Variants in KCNC2 observed in about 807,000 individuals in gnomAD.
The protein encoded by KCNC2 is voltage-gated potassium channel KCNC2.
In KCNC2, 21 loss-of-function variants were observed where a neutral mutation model predicts 44.5. The observed-to-expected ratio is 0.47, with a 90% confidence interval of 0.33 to 0.68. The LOEUF (loss-of-function observed/expected upper bound fraction) is 0.68. Among genes scored for constraint, KCNC2 ranks in the 30% least tolerant of loss-of-function variants. KCNC2 has a pLI of 0.01. For missense variants in KCNC2, 589 were observed against 826.2 expected (o/e 0.71, Z 3.52); for synonymous variants, 391 against 339.1 (o/e 1.15, Z -1.68).
At chr12:75,093,681 T>C (rs1176678585) in intron 2 of KCNC2, among the ~76,000 whole-genome samples, 1 of 151,692 alleles carries the variant, frequency 6.6e-6, no homozygotes, top group Admixed American at 6.6e-5. Context: ...TAACATAATG[T>C]GACATTGTGC....
At chr12:75,061,069 T>G (rs1882270555) in intron 2 of KCNC2, among the ~76,000 whole-genome samples, 1 of 152,128 alleles carries the variant, frequency 6.6e-6, no homozygotes, top group African/African-American at 2.4e-5. Context: ...TAATATTTGA[T>G]TTTCTTCTCC....
chr12:75,134,208 G>C (rs1298364585), intron 2 of KCNC2, among the ~76,000 whole-genome samples: 1 of 151,782 alleles, frequency 6.6e-6, no homozygotes, highest in Admixed American at 6.6e-5. Context: ...TTAGAGCATA[G>C]TACTTAAAAT....
chr12:75,197,081 G>C (rs2030834394), intron 2 of KCNC2, among the ~76,000 whole-genome samples: 1 of 152,046 alleles, frequency 6.6e-6, no homozygotes. Flanking sequence ...GATCTCTGGG[G>C]TGAGACCTGA....
chr12:75,196,974 A>G (rs1324197300), intron 2 of KCNC2, among the ~76,000 whole-genome samples: 6 of 151,982 alleles, frequency 3.9e-5, no homozygotes, highest in Non-Finnish European at 5.9e-5. Context: ...TTTTTTCTGC[A>G]GTTGTAGCAC....
At chr12:75,093,921 T>G (rs1377153214) in intron 2 of KCNC2, among the ~76,000 whole-genome samples, 3 of 151,638 alleles carry the variant, frequency 2.0e-5, no homozygotes, top group Non-Finnish European at 4.4e-5. Context: ...ATATTTAGGT[T>G]GGTGAAAAAG....
chr12:75,172,354 G>A (rs1891886100), intron 2 of KCNC2, among the ~76,000 whole-genome samples: 1 of 151,764 alleles, frequency 6.6e-6, no homozygotes, highest in South Asian at 2.1e-4. Context: ...GAGAGCATCA[G>A]GAAGACTAAC....
At chr12:75,102,466 A>G (rs773719886) in intron 2 of KCNC2, among the ~76,000 whole-genome samples, 1 of 152,066 alleles carries the variant, frequency 6.6e-6, no homozygotes, top group Non-Finnish European at 1.5e-5. Context: ...CCAGGAAGAA[A>G]CCAAGCCAGT....
chr12:75,125,432 C>T (rs1412716603), intron 2 of KCNC2, among the ~76,000 whole-genome samples: 8 of 152,102 alleles, frequency 5.3e-5, no homozygotes. Flanking sequence ...TTAATAGAAA[C>T]TTTTCAATAT....
intron 2 of KCNC2, among the ~76,000 whole-genome samples, chr12:75,123,803 G>A (rs928729011): frequency 2.0e-5 from 3 of 152,086 alleles, no homozygotes; most frequent in African/African-American, 7.2e-5. Context: ...AAAGAAAACA[G>A]GAGAAACTTC....
chr12:75,059,088 C>A (rs1451897611), intron 2 of KCNC2, among the ~76,000 whole-genome samples: 3 of 151,930 alleles, frequency 2.0e-5, no homozygotes, highest in Non-Finnish European at 4.4e-5. Context: ...CAAACTCTTC[C>A]CAGAGAGCAG....
intron 2 of KCNC2, among the ~76,000 whole-genome samples, chr12:75,144,257 T>G (rs1471942597): frequency 1.3e-5 from 2 of 152,226 alleles, no homozygotes; most frequent in Non-Finnish European, 2.9e-5. Context: ...TACAAGTTAT[T>G]GGAAGACATG....
At chr12:75,055,194 T>C (rs1381658506) in intron 2 of KCNC2, among the ~76,000 whole-genome samples, 3 of 151,948 alleles carry the variant, frequency 2.0e-5, no homozygotes, top group African/African-American at 4.8e-5. Flanking sequence ...GCAGGATAGA[T>C]AAAGGGGTGG....
At chr12:75,164,169 T>C (rs12299153) in intron 2 of KCNC2, among the ~76,000 whole-genome samples, 26,564 of 151,584 alleles carry the variant, frequency 0.18, 2,702 homozygotes, top group Admixed American at 0.25. Context: ...ATTAGCCTCT[T>C]ATGTCTTTTT....
At chr12:75,204,263 T>C (rs924478505) in intron 2 of KCNC2, among the ~76,000 whole-genome samples, 2 of 151,996 alleles carry the variant, frequency 1.3e-5, no homozygotes, top group African/African-American at 4.8e-5. Context: ...CATATACGTA[T>C]TTACTTCATA....
rs767511355 is a variant in KCNC2 at position 75,201,281 on chromosome 12, AAAAAAAAAAAAAAAAAAC to A, written c.687+5998_687+6015del. ...AAATTGGAAAAAAAAAAAAAAAAAA[AAAAAAAAAAAAAAAAAAC>A]CAGATTCTGGTTTACTTTATTAGTG... On this transcript the variant is annotated intron_variant, in intron 2 of 4. Coordinates refer to ENST00000549446, the MANE Select transcript of KCNC2 (RefSeq NM_139137.4). 4.3e-3 allele frequency among the ~76,000 whole-genome samples: 547 copies of A among 126,204 alleles called. 18 individuals carry two copies. The highest frequency in any genetic ancestry group is 5.6e-3 in the Non-Finnish European group (339 of 60,612). 82.8% of individuals were successfully genotyped at this position (126,204 alleles called of 152,430 possible). A position where few individuals can be genotyped will look rare whatever the true frequency, so the allele number is the denominator to read the frequency against.
chr12:75,177,708 A>G (rs192993372), intron 2 of KCNC2, among the ~76,000 whole-genome samples: 561 of 152,158 alleles, frequency 3.7e-3, no homozygotes, highest in African/African-American at 0.013. Flanking sequence ...CTTTAGAAGA[A>G]TGATTTCTTC....
intron 2 of KCNC2, among the ~76,000 whole-genome samples, chr12:75,089,537 A>G (rs1885301956): frequency 6.6e-6 from 1 of 151,876 alleles, no homozygotes; most frequent in African/African-American, 2.4e-5. Context: ...AAAATATTGA[A>G]TATTGTTTTA....
chr12:75,072,798 C>G (rs1041702588), intron 2 of KCNC2, among the ~76,000 whole-genome samples: 11 of 152,052 alleles, frequency 7.2e-5, no homozygotes, highest in Non-Finnish European at 1.0e-4. Flanking sequence ...AGTAAAGGTT[C>G]TTGAACTAAA....
At chr12:75,045,621 G>A (rs1880407703) in intron 4 of KCNC2, among the ~76,000 whole-genome samples, 1 of 151,862 alleles carries the variant, frequency 6.6e-6, no homozygotes, top group Non-Finnish European at 1.5e-5. Context: ...CTAACTTCTA[G>A]ATATACAGCA....
Sources: allele counts gnomAD v4.1 joint callset (sites outside exome capture counted in the v4.1 genomes callset), GRCh38; gene constraint gnomAD v4.1.1; transcripts MANE v1.5; gene names NCBI Gene and HGNC (gene_info 2026-07-23, HGNC 2026-07-21).